Variants in PHF21A observed in about 807,000 individuals in gnomAD.
PHF21A encodes PHD finger protein 21A, also known as BHC80a.
PHF21A carries 11 observed loss-of-function variants against 82.5 expected under a neutral mutation model. The ratio of observed to expected loss-of-function variants is 0.13; its 90% CI spans 0.08 to 0.22. PHF21A has a LOEUF of 0.22. Ranked by LOEUF, PHF21A falls within the 10% of genes least tolerant of loss-of-function variation. The pLI, the probability that PHF21A is intolerant of heterozygous loss-of-function variation, is 1.00. For missense variants in PHF21A, 579 were observed against 837.8 expected (o/e 0.69, Z 3.81); for synonymous variants, 297 against 302.8 (o/e 0.98, Z 0.20).
intron 6 of PHF21A, among the ~76,000 whole-genome samples, chr11:46,012,786 C>T (rs901641591): frequency 2.0e-5 from 3 of 152,188 alleles, no homozygotes; most frequent in African/African-American, 7.2e-5. Context: ...AACTCATTGT[C>T]TTCCCTCTCT....
rs2089556613 is a variant in PHF21A at position 45,938,232 on chromosome 11, A to G, written c.1533T>C (p.Tyr511=). The part of the protein sequence containing the change: ...LLMCDTCSRV[Y]HLDCLDPPLK... Reference sequence around the variant, plus strand: ...GAGGGGGGTCTAAGCAGTCCAAATGATATACACGGGAACATGTGTCGCACA... The same window carrying G: ...GAGGGGGGTCTAAGCAGTCCAAATGGTATACACGGGAACATGTGTCGCACA... The change falls in exon 16 of 19, where the codon TAT becomes TAC. Residue 511 remains tyrosine (Y), a synonymous_variant. Coordinates refer to ENST00000676320, the MANE Select transcript of PHF21A (RefSeq NM_001352027.3). 1 of 1,611,100 alleles carries G rather than the reference A, an allele frequency of 6.2e-7. No homozygotes were observed.
chr11:45,950,053 A>C (rs2091897099), intron 12 of PHF21A, among the ~76,000 whole-genome samples, 153 bp downstream of exon 12: 1 of 152,208 alleles, frequency 6.6e-6, no homozygotes, highest in Non-Finnish European at 1.5e-5. Flanking sequence ...GAGGGAAGGC[A>C]ATTTTCCCAC....
At chr11:45,971,790 TG>T (rs1460899618) in intron 7 of PHF21A, among the ~76,000 whole-genome samples, 1 of 151,850 alleles carries the variant, frequency 6.6e-6, no homozygotes, top group Non-Finnish European at 1.5e-5. Flanking sequence ...CTATCCTAAC[TG>T]CTACAAGCTC....
chr11:46,003,236 G>C (rs969282659), intron 6 of PHF21A, among the ~76,000 whole-genome samples: 1 of 150,924 alleles, frequency 6.6e-6, no homozygotes, highest in African/African-American at 2.4e-5. Context: ...TAAAAACTTT[G>C]TGCATATAGT....
chr11:46,108,005 C>T (rs760939944), intron 1 of PHF21A, among the ~76,000 whole-genome samples: 9 of 152,084 alleles, frequency 5.9e-5, no homozygotes, highest in Admixed American at 5.2e-4. Flanking sequence ...GGTATCTTTA[C>T]GCTGATTAAG....
intron 6 of PHF21A, among the ~76,000 whole-genome samples, chr11:46,029,319 A>C (rs1400595239): frequency 6.6e-6 from 1 of 152,230 alleles, no homozygotes; most frequent in Non-Finnish European, 1.5e-5. Context: ...ATTTTTTTCT[A>C]GAGGCCCAGC....
chr11:46,081,741 A>G (rs2096794984), intron 4 of PHF21A, among the ~76,000 whole-genome samples: 1 of 152,260 alleles, frequency 6.6e-6, no homozygotes, highest in Admixed American at 6.5e-5. Context: ...AAAGGTAAGC[A>G]AAACAACCCA....
intron 6 of PHF21A, among the ~76,000 whole-genome samples, chr11:46,033,300 T>C (rs1371497159): frequency 3.3e-5 from 5 of 152,236 alleles, no homozygotes. Context: ...AGTCTTACTC[T>C]GTTGCCTAGA....
At chr11:45,971,011 G>T in intron 8 of PHF21A, 105 bp downstream of exon 8, 1 of 1,339,410 alleles carries the variant, frequency 7.5e-7, no homozygotes. Flanking sequence ...CTAGAAGAAT[G>T]ATGGAAACTG....
intron 6 of PHF21A, among the ~76,000 whole-genome samples, chr11:46,000,502 C>T (rs1243191132): frequency 6.6e-6 from 1 of 152,148 alleles, no homozygotes; most frequent in East Asian, 1.9e-4. Flanking sequence ...TTTTAAACAG[C>T]TTTAAAGACT....
chr11:46,006,469 A>C (rs1035612354), intron 6 of PHF21A, among the ~76,000 whole-genome samples: 1 of 152,230 alleles, frequency 6.6e-6, no homozygotes, highest in African/African-American at 2.4e-5. Flanking sequence ...AACTTTCTGA[A>C]TAACCTCCAC....
intron 5 of PHF21A, among the ~76,000 whole-genome samples, chr11:46,077,141 A>C (rs141013358): frequency 0.011 from 1,615 of 152,360 alleles, 10 homozygotes; most frequent in Non-Finnish European, 0.015. Context: ...CCATTGACAG[A>C]AAACCCAAAG....
chr11:46,058,496 G>T (rs1444642410), intron 6 of PHF21A, among the ~76,000 whole-genome samples: 2 of 152,196 alleles, frequency 1.3e-5, no homozygotes, highest in African/African-American at 4.8e-5. Flanking sequence ...CATAGGAAGT[G>T]CCTGATAATT....
chr11:46,055,874 T>A (rs896688758), intron 6 of PHF21A, among the ~76,000 whole-genome samples: 5 of 152,158 alleles, frequency 3.3e-5, no homozygotes, highest in African/African-American at 1.2e-4. Context: ...TATGGCAAAT[T>A]GAATAGTTTT....
rs1195034543 is a variant in PHF21A at position 45,943,761 on chromosome 11, T to C, written c.1452+2079A>G. On this transcript the variant is annotated intron_variant, in intron 15 of 18. Coordinates refer to ENST00000676320, the MANE Select transcript of PHF21A (RefSeq NM_001352027.3). ...AGGCACATTTACAGGTGGAAAAATC[T>C]GATAGAAACTATCTTAGGAGATGAA... Among the ~76,000 whole-genome samples the C allele has an allele frequency of 2.0e-5, 3 of 152,346 alleles. No homozygotes were observed. In the East Asian group the frequency reaches 5.8e-4, roughly 29 times the overall value.
chr11:46,034,294 A>G (rs1345335560), intron 6 of PHF21A, among the ~76,000 whole-genome samples: 1 of 142,504 alleles, frequency 7.0e-6, no homozygotes, highest in Non-Finnish European at 1.5e-5. Flanking sequence ...CTTTATATGT[A>G]AGACTAATAA....
At chr11:46,115,494 A>G (rs1203279360) in intron 1 of PHF21A, among the ~76,000 whole-genome samples, 1 of 152,224 alleles carries the variant, frequency 6.6e-6, no homozygotes, top group Non-Finnish European at 1.5e-5. Flanking sequence ...TCTACAATAA[A>G]TTCAATGCAA....
chr11:46,117,512 G>C (rs1215768539), intron 1 of PHF21A, among the ~76,000 whole-genome samples: 1 of 152,174 alleles, frequency 6.6e-6, no homozygotes, highest in African/African-American at 2.4e-5. Flanking sequence ...ATAAAGCCGA[G>C]TGCCTAAAAA....
intron 6 of PHF21A, among the ~76,000 whole-genome samples, chr11:46,028,591 T>TTTG (rs2095800572): frequency 7.8e-6 from 1 of 128,400 alleles, no homozygotes; most frequent in Non-Finnish European, 1.6e-5. Flanking sequence ...TTTTTTTTTT[T>TTTG]GAGACAGAGT....
Sources: gnomAD v4.1 joint callset for allele counts (sites outside exome capture counted in the v4.1 genomes callset) on GRCh38, gnomAD v4.1.1 for gene constraint, MANE v1.5 for transcripts, NCBI Gene and HGNC (gene_info 2026-07-23, HGNC 2026-07-21) for gene names.